RERGL: variants seen among roughly 807,000 people sequenced by gnomAD.
The protein encoded by RERGL is ras-related and estrogen-regulated growth inhibitor-like protein.
Under a neutral mutation model 24.7 loss-of-function variants are expected in RERGL, and 22 were observed. The ratio of observed to expected loss-of-function variants is 0.89; its 90% CI spans 0.64 to 1.27. The LOEUF is 1.27. Ranked by LOEUF, RERGL falls within the 50% of genes most tolerant of loss-of-function variation. The probability of loss-of-function intolerance (pLI) is 0.00; values close to 1 mark genes in which losing one functional copy is unlikely to be tolerated. For synonymous variants in RERGL, 76 were observed against 82.6 expected (o/e 0.92, Z 0.43); for missense variants, 259 against 235.3 (o/e 1.10, Z -0.66).
intron 1 of RERGL, 58 bp from the exon 2 acceptor site, chr12:18,089,014 G>A: frequency 1.4e-6 from 2 of 1,401,742 alleles, no homozygotes; most frequent in Non-Finnish European, 2.0e-6. Context: ...AGCTAATTTG[G>A]TTATGTGCAT....
chr12:18,083,657 A>G lies in RERGL; in HGVS notation c.332+860T>C, dbSNP rs1351618011. 2.0e-5 allele frequency among the ~76,000 whole-genome samples: 3 copies of G among 152,270 alleles called. No individual in the cohort carries two copies. In the East Asian group the frequency reaches 5.8e-4, roughly 29 times the overall value. ...ATCTAACTCCAGGGAAATACACTTT[A>G]TCAATTATTATCCATGATTTCTTTA... On this transcript the variant is annotated intron_variant, in intron 4 of 4. Coordinates refer to ENST00000538724, the MANE Select transcript of RERGL (RefSeq NM_001286201.2).
Position 18,080,960 on chromosome 12 carries a change from T to C in RERGL, c.*231A>G, listed in dbSNP as rs1193468771. ...GTCCGCCAGTAGGTTAGGGTGAGTGTGATGTTGTACAATAAATGAAAGGTT... is the reference window on the plus strand; with the variant it reads ...GTCCGCCAGTAGGTTAGGGTGAGTGCGATGTTGTACAATAAATGAAAGGTT... On this transcript the variant is annotated 3_prime_UTR_variant, in exon 5 of 5. Coordinates refer to ENST00000538724, the MANE Select transcript of RERGL (RefSeq NM_001286201.2). 8.0e-6 allele frequency: 3 copies of C among 373,364 alleles called. No homozygotes were observed. The highest frequency in any genetic ancestry group is 4.0e-5 in the African/African-American group (2 of 49,502). 23.1% of individuals were successfully genotyped at this position (373,364 alleles called of 1,614,324 possible).
Position 18,084,483 on chromosome 12 carries a change from A to G in RERGL, c.332+34T>C, listed in dbSNP as rs764632879. On this transcript the variant is annotated intron_variant, in intron 4 of 4. Transcript: ENST00000538724. Reference sequence around the variant, plus strand: ...CTTACAGCTATATGATGATTTACTAAAAAGAAAGGAGAAAGGAATGAAAAA... The same window carrying G: ...CTTACAGCTATATGATGATTTACTAGAAAGAAAGGAGAAAGGAATGAAAAA... The G allele has an allele frequency of 1.4e-5, 22 of 1,571,854 alleles. No individual in the cohort carries two copies. The South Asian group carries it at 2.4e-4, about 17-fold the overall frequency.
chr12:18,084,692 G>A (rs1246104937), intron 3 of RERGL, 27 bp from the exon 4 acceptor site: 1 of 1,601,032 alleles, frequency 6.2e-7, no homozygotes, highest in Non-Finnish European at 8.5e-7. Flanking sequence ...TGCATTAAAA[G>A]TGGTGGGATC....
chr12:18,089,222 C>T (rs1422826172), intron 1 of RERGL: 1 of 1,606,128 alleles, frequency 6.2e-7, no homozygotes, highest in Admixed American at 1.7e-5. Context: ...AACATAAGGC[C>T]ACTTACCTTT....
intron 2 of RERGL, among the ~76,000 whole-genome samples, chr12:18,086,301 C>A (rs186249249): frequency 3.6e-4 from 55 of 152,178 alleles, no homozygotes; most frequent in African/African-American, 1.3e-3. Context: ...TAAATCCATT[C>A]ACTCTCAGCT....
intron 4 of RERGL, among the ~76,000 whole-genome samples, chr12:18,083,199 A>T (rs1947189332): frequency 6.6e-6 from 1 of 152,186 alleles, no homozygotes; most frequent in African/African-American, 2.4e-5. Context: ...CAAATATCAG[A>T]TATAATTTAA....
intron 3 of RERGL, among the ~76,000 whole-genome samples, chr12:18,085,033 T>G (rs920215870): frequency 1.3e-5 from 2 of 152,168 alleles, no homozygotes; most frequent in Non-Finnish European, 2.9e-5. Context: ...TGATTTTTGG[T>G]ACTAGATTTA....
rs772462230 is a variant in RERGL at position 18,081,279 on chromosome 12, T to C, written c.527A>G (p.Lys176Arg). 1.9e-6 allele frequency: 3 copies of C among 1,613,696 alleles called. No homozygotes were observed. Among genetic ancestry groups the C allele is most frequent in the Non-Finnish European group, 2.5e-6 (3 of 1,179,880 alleles). ...ACTGGGACGTCTCTTTTCTTTGAGT[T>C]TGAAGTTTATCAGGATGTCCTTGAT... ...RIIKDILINF[K>R]LKEKRRPSGS... Residue 176 changes from lysine to arginine, a missense_variant, in exon 5 of 5, where the codon AAA (lysine) becomes AGA (arginine). Physicochemically the swap from Lys to Arg is conservative, Grantham distance 26. Coordinates refer to ENST00000538724, the MANE Select transcript of RERGL (RefSeq NM_001286201.2).
At position 18,084,597 on chromosome 12, in the gene RERGL, G is replaced by A. The variant is rs191143010; in HGVS notation, c.252C>T (p.Asp84=). The change falls in exon 4 of 5, where the codon GAC becomes GAT. Residue 84 remains aspartate, a synonymous_variant. Coordinates refer to ENST00000538724, the MANE Select transcript of RERGL (RefSeq NM_001286201.2). ...AAGCAAATGAAGACCTATCACTGAT[G>A]TCATACACAATAACAAACCCATCTG... ...HWADGFVIVY[D]ISDRSSFAFA... is the part of the protein sequence containing the mutation. 2 of 1,613,008 alleles carry A rather than the reference G, an allele frequency of 1.2e-6. No homozygotes were observed. The highest frequency in any genetic ancestry group is 1.3e-5 in the African/African-American group (1 of 74,898).
At chr12:18,089,507 C>T (rs1947250637) in intron 1 of RERGL, 1 of 548,120 alleles carries the variant, frequency 1.8e-6, no homozygotes, top group South Asian at 4.8e-5. Flanking sequence ...GGTAGCATGT[C>T]ACCATTATAA....
At chr12:18,089,146 TAGAA>T (rs1382373877) in intron 1 of RERGL, 190 bp from the exon 2 acceptor site, 9 of 1,268,392 alleles carry the variant, frequency 7.1e-6, no homozygotes, top group Admixed American at 4.4e-5. Context: ...ATTAGAAAGT[TAGAA>T]AGGAAGTGAT....
chr12:18,081,233 T>C lies in RERGL; in HGVS notation c.573A>G (p.Lys191=), dbSNP rs1947167475. The change falls in exon 5 of 5, where the codon AAA becomes AAG. Residue 191 remains lysine, a synonymous_variant. Transcript: ENST00000538724. ...TCTTTCCAAATACATTATTGATCAA[T>C]TTGGCCATTGATTTAGATCCACTGG... is the stretch of plus-strand genomic sequence containing the variant. The part of the protein sequence containing the change: ...RRPSGSKSMA[K]LINNVFGKRR... 8 of 1,608,742 alleles carry C rather than the reference T, an allele frequency of 5.0e-6. No homozygotes were observed. The highest frequency in any genetic ancestry group is 6.8e-6 in the Non-Finnish European group (8 of 1,178,126).
chr12:18,083,001 A>C (rs910499730), intron 4 of RERGL, among the ~76,000 whole-genome samples: 1 of 152,110 alleles, frequency 6.6e-6, no homozygotes, highest in Admixed American at 6.5e-5. Context: ...TAAGGAAAAA[A>C]ATGGGTGCAC....
At chr12:18,088,785 T>C in intron 2 of RERGL, 115 bp downstream of exon 2, 2 of 742,570 alleles carry the variant, frequency 2.7e-6, no homozygotes, top group Non-Finnish European at 4.8e-6. Flanking sequence ...AATAAATAAA[T>C]TGTTTCATAT....
In RERGL at chr12:18,081,178, G is replaced by T. The variant is rs1347207045; in HGVS notation, c.*13C>A. The T allele has an allele frequency of 1.9e-6, 3 of 1,583,638 alleles. No homozygotes were observed. The highest frequency in any genetic ancestry group is 2.3e-5 in the South Asian group (2 of 88,530). ...CTCTCTGATATAGGAAATCTCCCAG[G>T]ATTACCTGTCTACTAAACAGATTTC... On this transcript the variant is annotated 3_prime_UTR_variant, in exon 5 of 5. Transcript: ENST00000538724.
In RERGL at chr12:18,090,150, C is replaced by A. The variant is rs995195269; in HGVS notation, c.-10G>T. Reference sequence around the variant, plus strand: ...GCTTCACATCATTCATCTTGCTTTTCTGCTTCTTGGTCAGTCCTATTTTCT... The same window carrying A: ...GCTTCACATCATTCATCTTGCTTTTATGCTTCTTGGTCAGTCCTATTTTCT... On this transcript the variant is annotated 5_prime_UTR_variant, in exon 1 of 5. Coordinates refer to ENST00000538724, the MANE Select transcript of RERGL (RefSeq NM_001286201.2). 8.5e-6 allele frequency: 13 copies of A among 1,531,190 alleles called. No homozygotes were observed. The highest frequency in any genetic ancestry group is 1.1e-5 in the Non-Finnish European group (13 of 1,144,966). 94.9% of individuals were successfully genotyped at this position (1,531,190 alleles called of 1,614,324 possible). A position where few individuals can be genotyped will look rare whatever the true frequency, so the allele number is the denominator to read the frequency against.
chr12:18,083,850 T>C (rs1947194480), intron 4 of RERGL, among the ~76,000 whole-genome samples: 1 of 152,070 alleles, frequency 6.6e-6, no homozygotes, highest in South Asian at 2.1e-4. Context: ...AATAAATACT[T>C]TCAATGGAAA....
chr12:18,084,032 T>C (rs1947196174), intron 4 of RERGL, among the ~76,000 whole-genome samples: 1 of 152,146 alleles, frequency 6.6e-6, no homozygotes, highest in East Asian at 1.9e-4. Context: ...GGAGGTAAAA[T>C]GGAGAAAAAT....
Sources: gnomAD v4.1 joint callset for allele counts (sites outside exome capture counted in the v4.1 genomes callset) on GRCh38, gnomAD v4.1.1 for gene constraint, MANE v1.5 for transcripts, NCBI Gene and HGNC (gene_info 2026-07-23, HGNC 2026-07-21) for gene names.